Variants in SMARCA4 observed in about 807,000 individuals in gnomAD.
The protein encoded by SMARCA4 is SWI/SNF-related matrix-associated actin-dependent regulator of chromatin subfamily A member 4.
Under a neutral mutation model 193.9 loss-of-function variants are expected in SMARCA4, and 31 were observed. The observed-to-expected ratio is 0.16, with a 90% confidence interval of 0.12 to 0.22. SMARCA4 has a LOEUF of 0.22. Ranked by LOEUF, SMARCA4 falls within the 10% of genes least tolerant of loss-of-function variation. SMARCA4 has a pLI of 1.00. For synonymous variants in SMARCA4, 942 were observed against 933.1 expected, an observed-to-expected ratio of 1.01 and a Z score of -0.17; for missense variants, 1,148 against 2,296.0, an observed-to-expected ratio of 0.50 and a Z score of 10.22.
chr19:11,038,115 T>C (rs1246958965), intron 29 of SMARCA4, among the ~76,000 whole-genome samples: 1 of 152,172 alleles, frequency 6.6e-6, no homozygotes, highest in Non-Finnish European at 1.5e-5. Context: ...TTCTCTGCAT[T>C]CTGGGCCAGA....
intron 18 of SMARCA4, 143 bp from the exon 19 acceptor site, chr19:11,021,582 A>T (rs1035956043): frequency 9.7e-7 from 1 of 1,031,516 alleles, no homozygotes; most frequent in African/African-American, 1.6e-5. Flanking sequence ...GCCCCGGGGC[A>T]GGACGTCAGG....
chr19:10,973,931 C>T (rs1001425492), intron 1 of SMARCA4, among the ~76,000 whole-genome samples: 4 of 152,078 alleles, frequency 2.6e-5, no homozygotes, highest in African/African-American at 4.8e-5. Flanking sequence ...GCATAGTAAA[C>T]GGGGCTGGCT....
intron 34 of SMARCA4, among the ~76,000 whole-genome samples, chr19:11,061,067 A>T (rs2076834649): frequency 6.6e-6 from 1 of 151,724 alleles, no homozygotes; most frequent in African/African-American, 2.4e-5. Context: ...TCACACCTGT[A>T]ATCCCAGCAC....
intron 30 of SMARCA4, among the ~76,000 whole-genome samples, chr19:11,053,451 CAAA>C (rs34525605): frequency 7.7e-5 from 5 of 64,816 alleles, no homozygotes; most frequent in Non-Finnish European, 6.2e-5. Flanking sequence ...GACTCCGTCT[CAAA>C]AAAAAAAAAA....
rs779491465 is a variant in SMARCA4 at position 11,030,046 on chromosome 19, G to A, written c.3383-684G>A. ...CACCTCTGTCCGAACTCCCAGCAGC[G>A]CAGGGAGTGTTGACATTGCCTTAAT... On this transcript the variant is annotated intron_variant, in intron 24 of 34. Transcript: ENST00000344626. The surrounding 1 kb of genome is among the most constrained non-coding windows in gnomAD (Gnocchi z 5.5). Among the ~76,000 whole-genome samples the A allele has an allele frequency of 2.0e-5, 3 of 152,146 alleles. No homozygotes were observed. Among genetic ancestry groups the A allele is most frequent in the South Asian group, 2.1e-4 (1 of 4,828 alleles).
At chr19:10,988,434 G>A (rs139719160) in intron 6 of SMARCA4, among the ~76,000 whole-genome samples, 138 of 152,276 alleles carry the variant, frequency 9.1e-4, no homozygotes, top group African/African-American at 3.1e-3. Context: ...ATTGATATCA[G>A]ATCTACTCCG....
intron 32 of SMARCA4, chr19:11,059,122 G>A (rs1384791289): frequency 1.1e-5 from 5 of 473,370 alleles, no homozygotes; most frequent in African/African-American, 3.9e-5. Flanking sequence ...AAAAAAAAAA[G>A]AAAAAATTAA....
At chr19:10,990,374 G>T (rs1437206361) in intron 7 of SMARCA4, among the ~76,000 whole-genome samples, 2 of 151,976 alleles carry the variant, frequency 1.3e-5, no homozygotes, top group African/African-American at 2.4e-5. Context: ...TGCCTTCCAG[G>T]TTCAAGTGAT....
chr19:11,023,763 G>T (rs2090042677), intron 20 of SMARCA4, 132 bp downstream of exon 20: 2 of 709,196 alleles, frequency 2.8e-6, no homozygotes, highest in Admixed American at 4.0e-5. Context: ...GGGTGGCGAT[G>T]ACGCCACTGG....
chr19:10,968,117 C>T (rs1468617528), intron 1 of SMARCA4, among the ~76,000 whole-genome samples: 4 of 152,096 alleles, frequency 2.6e-5, no homozygotes, highest in African/African-American at 9.7e-5. Flanking sequence ...TCCCAAAGTG[C>T]TGGGATTACA....
chr19:10,984,189 G>A lies in SMARCA4; in HGVS notation c.38G>A (p.Arg13Gln), dbSNP rs143950084. Residue 13 changes from arginine to glutamine, a missense_variant, in exon 2 of 35, where the codon CGG becomes CAG. By Grantham distance (43) the Arg-to-Gln change is conservative. Transcript: ENST00000344626. This position sits in a 1 kb window ranked among gnomAD's most constrained non-coding sequence, Gnocchi z 4.3. ...GACCCACCCCTGGGCGGAACTCCTC[G>A]GCCAGGTCCTTCCCCGGGCCCTGGC... ...TPDPPLGGTPRPGPSPGPGPS... is the reference protein window; with the variant it reads ...TPDPPLGGTPQPGPSPGPGPS... 9.9e-6 allele frequency: 16 copies of A among 1,613,484 alleles called. No individual in the cohort carries two copies. Among genetic ancestry groups the A allele is most frequent in the Admixed American group, 6.7e-5 (4 of 60,024 alleles).
intron 9 of SMARCA4, 53 bp from the exon 10 acceptor site, chr19:10,996,160 C>G (rs2145966146): frequency 1.3e-6 from 2 of 1,595,170 alleles, no homozygotes; most frequent in Admixed American, 1.7e-5. Context: ...CATGGGTGCT[C>G]ACAGACATGC....
In SMARCA4 at chr19:11,034,867, T is replaced by G. The variant is rs750982359; in HGVS notation, c.3952-47T>G. 1 of 1,303,404 alleles carries G rather than the reference T, an allele frequency of 7.7e-7. No homozygotes were observed. The highest frequency in any genetic ancestry group is 1.5e-5 in the African/African-American group (1 of 68,506). 80.7% of individuals were successfully genotyped at this position (1,303,404 alleles called of 1,614,324 possible). ...CGGTGTTCTGGCTCTAGCGTGCCCC[T>G]GGTGCCTGCATGCTGATGCCTCTCC... is the stretch of plus-strand genomic sequence containing the variant. On this transcript the variant is annotated intron_variant, in intron 28 of 34. Transcript: ENST00000344626. This position sits in a 1 kb window ranked among gnomAD's most constrained non-coding sequence, Gnocchi z 7.0.
At position 10,986,781 on chromosome 19, in the gene SMARCA4, C is replaced by T. The variant is rs2086084637; in HGVS notation, c.761-124C>T. 1.2e-5 allele frequency: 15 copies of T among 1,226,430 alleles called. No individual in the cohort carries two copies. Among genetic ancestry groups the T allele is most frequent in the African/African-American group, 3.0e-5 (2 of 67,324 alleles). 76.0% of individuals were successfully genotyped at this position (1,226,430 alleles called of 1,614,324 possible). A position where few individuals can be genotyped will look rare whatever the true frequency, so the allele number is the denominator to read the frequency against. ...TGCTGCTTCCCCAGCTCCCCGCTTC[C>T]CCTGGGGCCGCTGGTTAATAGGTGT... is the stretch of plus-strand genomic sequence containing the variant. On this transcript the variant is annotated intron_variant, in intron 4 of 34. Transcript: ENST00000344626. The surrounding 1 kb of genome is among the most constrained non-coding windows in gnomAD (Gnocchi z 6.7).
intron 34 of SMARCA4, 145 bp from the exon 35 acceptor site, chr19:11,061,639 G>A (rs745328041): frequency 3.7e-5 from 30 of 800,512 alleles, no homozygotes; most frequent in Non-Finnish European, 6.1e-5. Context: ...GCCTTCCAAA[G>A]TGCTGGGATT....
intron 1 of SMARCA4, among the ~76,000 whole-genome samples, chr19:10,971,925 A>G (rs1599834373): frequency 6.7e-6 from 1 of 149,502 alleles, no homozygotes; most frequent in Admixed American, 6.7e-5. Context: ...AGTAGCTGGG[A>G]TTACAGGCGT....
intron 11 of SMARCA4, 147 bp downstream of exon 11, chr19:10,996,691 C>G: frequency 1.3e-6 from 1 of 753,746 alleles, no homozygotes; most frequent in Non-Finnish European, 2.3e-6. Flanking sequence ...GACGCCCATC[C>G]CACCCGACCC....
At position 11,019,006 on chromosome 19, in the gene SMARCA4, G is replaced by A. The variant is rs2146360945; in HGVS notation, c.2488G>A (p.Val830Met). ...YEFDKWAPSV[V>M]KVSYKGSPAA... ...GTTTGACAAGTGGGCCCCCTCCGTG[G>A]TGAAGGTGTCTTACAAGGTAGGTCA... Residue 830 changes from valine (V) to methionine (M), a missense_variant, in exon 17 of 35, where the codon GTG (valine) becomes ATG (methionine). Coordinates refer to ENST00000344626, the MANE Select transcript of SMARCA4 (RefSeq NM_003072.5). This position sits in a 1 kb window ranked among gnomAD's most constrained non-coding sequence, Gnocchi z 6.1. The A allele has an allele frequency of 6.2e-7, 1 of 1,614,096 alleles. No homozygotes were observed. The highest frequency in any genetic ancestry group is 8.5e-7 in the Non-Finnish European group (1 of 1,179,886).
chr19:10,974,685 ATATATTTTTTTTTTTTTTTTTTT>A (rs1285920488), intron 1 of SMARCA4, among the ~76,000 whole-genome samples: 78 of 48,728 alleles, frequency 1.6e-3, no homozygotes, highest in African/African-American at 6.3e-3. Flanking sequence ...ATATATATAT[ATATATTTTTTTTTTTTTTTTTTT>A]TTTTTTTTTT....
Sources: allele counts gnomAD v4.1 joint callset (sites outside exome capture counted in the v4.1 genomes callset), GRCh38; gene constraint gnomAD v4.1.1; non-coding constraint Gnocchi (gnomAD v3.1); transcripts MANE v1.5; gene names NCBI Gene and HGNC (gene_info 2026-07-23, HGNC 2026-07-21).